The following CNTLN variants were observed in gnomAD, a reference collection of about 807,000 sequenced individuals.
CNTLN encodes the protein centlein, centrosomal protein.
Under a neutral mutation model 180.0 loss-of-function variants are expected in CNTLN, and 212 were observed. That is an observed-to-expected ratio of 1.18 (90% CI 1.05 to 1.32). The LOEUF (loss-of-function observed/expected upper bound fraction) is 1.32. Among genes scored for constraint, CNTLN ranks in the 40% most tolerant of loss-of-function variants. The pLI, the probability that CNTLN is intolerant of heterozygous loss-of-function variation, is 0.00. For missense variants in CNTLN, 2,095 were observed against 1,610.9 expected (o/e 1.30, Z -5.14); for synonymous variants, 722 against 563.1 (o/e 1.28, Z -3.99).
chr9:17,135,819 C>G (rs1175572304), intron 1 of CNTLN, among the ~76,000 whole-genome samples: 1 of 152,208 alleles, frequency 6.6e-6, no homozygotes, highest in Non-Finnish European at 1.5e-5. Context: ...GTAAACACTT[C>G]GGTTAGAGTA....
At chr9:17,427,334 A>T (rs1829154277) in intron 18 of CNTLN, among the ~76,000 whole-genome samples, 2 of 147,922 alleles carry the variant, frequency 1.4e-5, no homozygotes, top group Non-Finnish European at 3.0e-5. Flanking sequence ...AGAATACTTG[A>T]TATCATATAT....
At chr9:17,332,785 A>G (rs972209412) in intron 10 of CNTLN, 55 bp downstream of exon 10, 15 of 1,420,424 alleles carry the variant, frequency 1.1e-5, no homozygotes, top group Middle Eastern at 1.9e-4. Flanking sequence ...AAATATACCA[A>G]AGTAAACATA....
chr9:17,417,915 A>G (rs1405209251), intron 18 of CNTLN, among the ~76,000 whole-genome samples: 1 of 152,032 alleles, frequency 6.6e-6, no homozygotes, highest in African/African-American at 2.4e-5. Context: ...GGAGGTATAA[A>G]AAGCACCTCA....
At chr9:17,433,835 C>T (rs760741563) in intron 18 of CNTLN, among the ~76,000 whole-genome samples, 9 of 152,160 alleles carry the variant, frequency 5.9e-5, no homozygotes, top group Non-Finnish European at 1.2e-4. Flanking sequence ...CTCACCTTGG[C>T]CTCCCAAAGT....
At chr9:17,494,264 A>G (rs1833325655) in intron 25 of CNTLN, among the ~76,000 whole-genome samples, 2 of 152,172 alleles carry the variant, frequency 1.3e-5, no homozygotes, top group East Asian at 1.9e-4. Context: ...ATTGCCTACT[A>G]TAGAGTAAAT....
rs372405839 is a variant in CNTLN at position 17,300,965 on chromosome 9, G to A, written c.1146+2613G>A. 20 of 981,574 alleles carry A rather than the reference G, an allele frequency of 2.0e-5. No individual in the cohort carries two copies. The African/African-American group carries it at 2.8e-4, about 14-fold the overall frequency. 60.8% of individuals were successfully genotyped at this position (981,574 alleles called of 1,614,324 possible). On this transcript the variant is annotated intron_variant, in intron 7 of 25. Transcript: ENST00000380647. ...CAACTCTTACAGTTTAAAATTAGTT[G>A]ATAGCAGACATTAAATGGTAGAAGC...
At chr9:17,170,885 A>C (rs1486026666) in intron 2 of CNTLN, among the ~76,000 whole-genome samples, 2 of 152,120 alleles carry the variant, frequency 1.3e-5, no homozygotes, top group African/African-American at 4.8e-5. Flanking sequence ...AGATATGTTT[A>C]CATGCACAAA....
At chr9:17,403,725 G>C (rs556429014) in intron 15 of CNTLN, among the ~76,000 whole-genome samples, 2 of 151,652 alleles carry the variant, frequency 1.3e-5, no homozygotes, top group Non-Finnish European at 2.9e-5. Flanking sequence ...AGGACTGGGA[G>C]GTAGGGAGGT....
rs1264927577 is a variant in CNTLN at position 17,388,456 on chromosome 9, A to G, written c.2079+203A>G. Among the ~76,000 whole-genome samples the G allele has an allele frequency of 2.0e-5, 3 of 152,084 alleles. No individual in the cohort carries two copies. The East Asian group carries it at 5.8e-4, about 29-fold the overall frequency. ...TAAATGTGTAAACACTTGTGCTTCC[A>G]TTGATGTAGATTAACATTATTTTCA... On this transcript the variant is annotated intron_variant, in intron 14 of 25. Transcript: ENST00000380647.
intron 13 of CNTLN, among the ~76,000 whole-genome samples, chr9:17,373,796 A>G (rs1436872656): frequency 1.3e-5 from 2 of 152,148 alleles, no homozygotes; most frequent in Non-Finnish European, 2.9e-5. Flanking sequence ...CCTAACAGAC[A>G]ACCCAGAAAT....
chr9:17,377,684 T>C (rs1824888270), intron 13 of CNTLN, among the ~76,000 whole-genome samples: 1 of 152,178 alleles, frequency 6.6e-6, no homozygotes, highest in South Asian at 2.1e-4. Context: ...GGGTATAATT[T>C]TATTGGGTTA....
Position 17,416,092 on chromosome 9 carries a change from A to T in CNTLN, c.3017A>T (p.Glu1006Val), listed in dbSNP as rs1428337073. 9.9e-6 allele frequency: 16 copies of T among 1,613,564 alleles called. No homozygotes were observed. Among genetic ancestry groups the T allele is most frequent in the Non-Finnish European group, 1.2e-5 (14 of 1,179,754 alleles). ...SVLQNAKKTA[E>V]LSVKEYKEVN... ...CTTCAGAATGCCAAGAAAACAGCAGAATTGTCTGTTAAAGAATATAAAGAA... is the reference window on the plus strand; with the variant it reads ...CTTCAGAATGCCAAGAAAACAGCAGTATTGTCTGTTAAAGAATATAAAGAA... The change falls in exon 18 of 26, where the codon GAA becomes GTA. Residue 1006 changes from glutamate to valine, a missense_variant. Coordinates refer to ENST00000380647, the MANE Select transcript of CNTLN (RefSeq NM_017738.4).
intron 5 of CNTLN, among the ~76,000 whole-genome samples, chr9:17,246,797 G>A (rs1256727563): frequency 6.6e-6 from 1 of 152,074 alleles, no homozygotes; most frequent in African/African-American, 2.4e-5. Context: ...TCTTCAAGCC[G>A]AGAAGTCTCT....
At chr9:17,213,148 A>T (rs1211525362) in intron 2 of CNTLN, among the ~76,000 whole-genome samples, 2 of 152,134 alleles carry the variant, frequency 1.3e-5, no homozygotes, top group African/African-American at 4.8e-5. Context: ...TTGTGATGCT[A>T]GGGTGTCAAT....
At chr9:17,242,097 G>C (rs1163643671) in intron 5 of CNTLN, among the ~76,000 whole-genome samples, 1 of 152,162 alleles carries the variant, frequency 6.6e-6, no homozygotes, top group Non-Finnish European at 1.5e-5. Flanking sequence ...AGTGGTGAAA[G>C]TGGATATTCT....
At chr9:17,297,296 T>A (rs1818018256) in intron 6 of CNTLN, among the ~76,000 whole-genome samples, 1 of 152,214 alleles carries the variant, frequency 6.6e-6, no homozygotes, top group Non-Finnish European at 1.5e-5. Context: ...TCATTTTATA[T>A]AAGGACTTGA....
At chr9:17,145,423 A>T (rs1258525221) in intron 2 of CNTLN, among the ~76,000 whole-genome samples, 4 of 152,164 alleles carry the variant, frequency 2.6e-5, no homozygotes, top group African/African-American at 9.7e-5. Context: ...TATTCAACCT[A>T]TGTCTGTTAA....
At chr9:17,455,317 T>A (rs908105921) in intron 18 of CNTLN, among the ~76,000 whole-genome samples, 2 of 152,158 alleles carry the variant, frequency 1.3e-5, no homozygotes, top group Non-Finnish European at 2.9e-5. Context: ...TTTTAAATAT[T>A]GTTTAATCAA....
chr9:17,395,358 G>C (rs1826438330), intron 15 of CNTLN, among the ~76,000 whole-genome samples: 1 of 152,134 alleles, frequency 6.6e-6, no homozygotes, highest in South Asian at 2.1e-4. Context: ...GCTTGAAATT[G>C]ACAGTTTGGC....
Sources: gnomAD v4.1 joint callset for allele counts (sites outside exome capture counted in the v4.1 genomes callset) on GRCh38, gnomAD v4.1.1 for gene constraint, MANE v1.5 for transcripts, NCBI Gene and HGNC (gene_info 2026-07-23, HGNC 2026-07-21) for gene names.